MET: variants seen among roughly 807,000 people sequenced by gnomAD.
The protein encoded by MET is hepatocyte growth factor receptor.
Under a neutral mutation model 133.1 loss-of-function variants are expected in MET, and 48 were observed. That is an observed-to-expected ratio of 0.36 (90% CI 0.29 to 0.46). The LOEUF (loss-of-function observed/expected upper bound fraction) is 0.46, where lower values mean the gene tolerates loss of function less well. Among genes scored for constraint, MET ranks in the 20% least tolerant of loss-of-function variants. MET has a pLI of 1.00. For synonymous variants in MET, 628 were observed against 616.5 expected, an observed-to-expected ratio of 1.02 and a Z score of -0.28; for missense variants, 1,442 against 1,695.9, an observed-to-expected ratio of 0.85 and a Z score of 2.63.
chr7:116,797,553 C>T lies in MET; in HGVS notation c.*1429C>T, dbSNP rs1485644444. On this transcript the variant is annotated 3_prime_UTR_variant, in exon 21 of 21. Transcript: ENST00000397752. ...TTCATTCTGTGGAATTTTGTGCTTG[C>T]TACTGTATAGTGCATGTGGTGTAGG... is the stretch of plus-strand genomic sequence containing the variant. 1 of 227,674 alleles carries T rather than the reference C, an allele frequency of 4.4e-6. No homozygotes were observed. The highest frequency in any genetic ancestry group is 6.4e-5 in the East Asian group (1 of 15,722). 14.1% of individuals were successfully genotyped at this position (227,674 alleles called of 1,614,324 possible). A position where few individuals can be genotyped will look rare whatever the true frequency, so the allele number is the denominator to read the frequency against.
At position 116,774,995 on chromosome 7, in the gene MET, A is replaced by G. The variant is rs1459375512; in HGVS notation, c.3143A>G (p.Gln1048Arg). 1 of 1,614,220 alleles carries G rather than the reference A, an allele frequency of 6.2e-7. No individual in the cohort carries two copies. The highest frequency in any genetic ancestry group is 1.1e-5 in the South Asian group (1 of 91,088). The change falls in exon 15 of 21, where the codon CAA becomes CGA. Residue 1048 changes from glutamine (Q) to arginine (R), a missense_variant. By Grantham distance (43) the Gln-to-Arg change is conservative. Around this residue, in one of 6 missense-constraint regions of MET, gnomAD observed 514 missense variants for 659.6 expected, o/e 0.78. Coordinates refer to ENST00000397752, the MANE Select transcript of MET (RefSeq NM_000245.4). ...TCTGATATATCCAGTCCATTACTGCAAAATACTGTCCACATTGACCTCAGT... is the reference window on the plus strand; with the variant it reads ...TCTGATATATCCAGTCCATTACTGCGAAATACTGTCCACATTGACCTCAGT... Reference protein sequence around the residue: ...GDSDISSPLLQNTVHIDLSAL... With the variant: ...GDSDISSPLLRNTVHIDLSAL...
intron 5 of MET, among the ~76,000 whole-genome samples, chr7:116,754,248 G>A (rs1794036979): frequency 6.6e-6 from 1 of 152,184 alleles, no homozygotes; most frequent in Admixed American, 6.5e-5. Context: ...ATGCAACTGG[G>A]CAAACACTGG....
rs1322202293 is a variant in MET at position 116,763,193 on chromosome 7, A to T, written c.2508A>T (p.Val836=). Residue 836 remains valine, a synonymous_variant, in exon 11 of 21, where the codon GTA becomes GTT. Coordinates refer to ENST00000397752, the MANE Select transcript of MET (RefSeq NM_000245.4). ...CCAAATACTTTGATCTCATTTATGT[A>T]CATAATCCTGTGTTTAAGCCTTTTG... is the stretch of plus-strand genomic sequence containing the variant. The part of the protein sequence containing the change: ...ILSKYFDLIY[V]HNPVFKPFEK... 6.2e-7 allele frequency: 1 copy of T among 1,613,932 alleles called. No individual in the cohort carries two copies. The highest frequency in any genetic ancestry group is 8.5e-7 in the Non-Finnish European group (1 of 1,179,972).
chr7:116,790,734 T>G (rs1795463461), intron 19 of MET, among the ~76,000 whole-genome samples: 1 of 152,242 alleles, frequency 6.6e-6, no homozygotes, highest in African/African-American at 2.4e-5. Flanking sequence ...TTTTGAGTAG[T>G]ATTCCATCGT....
At chr7:116,708,157 C>A (rs1467905809) in intron 2 of MET, among the ~76,000 whole-genome samples, 1 of 152,076 alleles carries the variant, frequency 6.6e-6, no homozygotes, top group Non-Finnish European at 1.5e-5. Context: ...ACAAATACAT[C>A]ATGATAATTT....
Position 116,771,856 on chromosome 7 carries a change from C to T in MET, c.2895C>T (p.Gly965=), listed in dbSNP as rs2116995907. The change falls in exon 14 of 21, where the codon GGC becomes GGT. Residue 965 remains glycine (G), a synonymous_variant. Transcript: ENST00000397752. ...CTTTCTCTCTGTTTTAAGATCTGGG[C>T]AGTGAATTAGTTCGCTACGATGCAA... ...LKKRKQIKDL[G]SELVRYDARV... is the part of the protein sequence containing the mutation. 1 of 1,613,754 alleles carries T rather than the reference C, an allele frequency of 6.2e-7. No homozygotes were observed. The highest frequency in any genetic ancestry group is 8.5e-7 in the Non-Finnish European group (1 of 1,179,834).
At chr7:116,758,642 G>T (rs1190746319) in intron 9 of MET, 22 bp downstream of exon 9, 6 of 1,607,606 alleles carry the variant, frequency 3.7e-6, no homozygotes, top group Non-Finnish European at 5.1e-6. Flanking sequence ...CTTCTGATGG[G>T]TATAAGAAAA....
chr7:116,735,595 C>T (rs1390567365), intron 3 of MET, among the ~76,000 whole-genome samples: 1 of 152,076 alleles, frequency 6.6e-6, no homozygotes, highest in East Asian at 1.9e-4. Flanking sequence ...ATCCCCAATT[C>T]GTCAATGTTG....
chr7:116,785,923 T>C (rs1562937122), intron 19 of MET, among the ~76,000 whole-genome samples: 1 of 152,240 alleles, frequency 6.6e-6, no homozygotes, highest in African/African-American at 2.4e-5. Flanking sequence ...GAGTTTGCCT[T>C]GGGAGTAGAA....
intron 2 of MET, among the ~76,000 whole-genome samples, chr7:116,709,062 G>T (rs574549350): frequency 8.4e-4 from 128 of 152,184 alleles, no homozygotes; most frequent in African/African-American, 2.8e-3. Flanking sequence ...CATGTGCATG[G>T]AGGGCCAAAG....
At chr7:116,711,131 A>G (rs79424781) in intron 2 of MET, among the ~76,000 whole-genome samples, 141 of 152,332 alleles carry the variant, frequency 9.3e-4, no homozygotes, top group African/African-American at 3.3e-3. Flanking sequence ...CTTTCTTGCT[A>G]TTAGCAAAGC....
At position 116,717,667 on chromosome 7, in the gene MET, T is replaced by C. The variant is rs561802121; in HGVS notation, c.1201-14001T>C. On this transcript the variant is annotated intron_variant, in intron 2 of 20. Coordinates refer to ENST00000397752, the MANE Select transcript of MET (RefSeq NM_000245.4). ...GATACAAGTGAACTGGCAAAGATTT[T>C]ACAAGATAGTACATTTTTAAAAATT... Among the ~76,000 whole-genome samples the C allele has an allele frequency of 2.2e-4, 34 of 152,356 alleles. 1 individual carries two copies. In the South Asian group the frequency reaches 6.4e-3, roughly 29 times the overall value.
intron 19 of MET, among the ~76,000 whole-genome samples, chr7:116,788,644 G>A (rs1795390438): frequency 6.6e-6 from 1 of 152,226 alleles, no homozygotes; most frequent in Admixed American, 6.5e-5. Flanking sequence ...GGCTGAACCT[G>A]AATAATCTGT....
chr7:116,719,286 G>A (rs1415181720), intron 2 of MET, among the ~76,000 whole-genome samples: 5 of 150,618 alleles, frequency 3.3e-5, no homozygotes, highest in Non-Finnish European at 5.9e-5. Flanking sequence ...CTGCATAAAT[G>A]TCTTCTTTTG....
intron 1 of MET, among the ~76,000 whole-genome samples, chr7:116,685,091 T>C (rs1796501646): frequency 6.6e-6 from 1 of 151,992 alleles, no homozygotes; most frequent in Admixed American, 6.5e-5. Context: ...GGAGACCAGG[T>C]TTTGTGGGAG....
chr7:116,702,599 A>G (rs1255010679), intron 2 of MET, among the ~76,000 whole-genome samples: 1 of 152,236 alleles, frequency 6.6e-6, no homozygotes, highest in Admixed American at 6.5e-5. Flanking sequence ...TTGGCCAGAA[A>G]TCAAGTGACC....
rs565143020 is a variant in MET at position 116,770,531 on chromosome 7, C to T, written c.2730+740C>T. Among the ~76,000 whole-genome samples the T allele has an allele frequency of 9.2e-5, 14 of 152,128 alleles. No homozygotes were observed. The East Asian group carries it at 1.9e-3, about 21-fold the overall frequency. Reference sequence around the variant, plus strand: ...GCATTACCTAATTCCAGAACTTTTTCGTCACCCCAAACAGATACTCTATAA... The same window carrying T: ...GCATTACCTAATTCCAGAACTTTTTTGTCACCCCAAACAGATACTCTATAA... On this transcript the variant is annotated intron_variant, in intron 12 of 20. Transcript: ENST00000397752.
At chr7:116,728,097 G>A (rs1792861833) in intron 2 of MET, among the ~76,000 whole-genome samples, 1 of 152,160 alleles carries the variant, frequency 6.6e-6, no homozygotes, top group East Asian at 1.9e-4. Context: ...TTTTCCTAGA[G>A]GCTAGTGCCT....
rs1795669540 is a variant in MET, at chr7:116,796,151, C to A, written c.*27C>A. ...GCTAGTACTATGTCAAAGCAACAGT[C>A]CACACTTTGTCCAATGGTTTTTTCA... On this transcript the variant is annotated 3_prime_UTR_variant, in exon 21 of 21. Coordinates refer to ENST00000397752, the MANE Select transcript of MET (RefSeq NM_000245.4). 20 of 1,597,548 alleles carry A rather than the reference C, an allele frequency of 1.3e-5. No homozygotes were observed. Among genetic ancestry groups the A allele is most frequent in the Non-Finnish European group, 1.7e-5 (20 of 1,165,960 alleles).
Sources: gnomAD v4.1 joint callset for allele counts (sites outside exome capture counted in the v4.1 genomes callset) on GRCh38, gnomAD v4.1.1 for gene constraint, gnomAD v4.1.1 regional missense constraint, MANE v1.5 for transcripts, NCBI Gene and HGNC (gene_info 2026-07-23, HGNC 2026-07-21) for gene names.